The following OR10A2 variants were observed in gnomAD, a reference collection of about 807,000 sequenced individuals.
OR10A2 encodes olfactory receptor family 10 subfamily A member 2.
Under a neutral mutation model 13.7 loss-of-function variants are expected in OR10A2, and 15 were observed. That is an observed-to-expected ratio of 1.10 (90% CI 0.73 to 1.69). The LOEUF is 1.69. Among genes scored for constraint, OR10A2 ranks in the 40% most tolerant of loss-of-function variants. The pLI is 0.00. For missense variants in OR10A2, 343 were observed against 361.1 expected, an observed-to-expected ratio of 0.95 and a Z score of 0.41; for synonymous variants, 145 against 144.7, an observed-to-expected ratio of 1.00 and a Z score of -0.02.
intron 1 of OR10A2, among the ~76,000 whole-genome samples, chr11:6,866,418 T>C (rs1433654585): frequency 6.6e-6 from 1 of 152,234 alleles, no homozygotes; most frequent in Non-Finnish European, 1.5e-5. Flanking sequence ...TTTATGAGAT[T>C]TCTTTTTTTT....
At chr11:6,864,976 ATT>A (rs1003941061) in intron 1 of OR10A2, among the ~76,000 whole-genome samples, 5 of 146,482 alleles carry the variant, frequency 3.4e-5, no homozygotes, top group African/African-American at 9.9e-5. Flanking sequence ...AAATATATAT[ATT>A]GTAAGATGAA....
At position 6,872,979 on chromosome 11, in the gene OR10A2, C is replaced by T. The variant is rs915927181; in HGVS notation, c.*2313C>T. 1 of 111,218 alleles carries T rather than the reference C, an allele frequency of 9.0e-6. No homozygotes were observed. Among genetic ancestry groups the T allele is most frequent in the African/African-American group, 3.6e-5 (1 of 27,506 alleles). The allele number at this position is 111,218 out of a possible 1,614,324, so 6.9% of individuals were successfully genotyped here. Reference sequence around the variant, plus strand: ...GGATTACAGGCGTGCCAAGCCATGCCCAACTAATTTTTTTTTTGTATTTTT... The same window carrying T: ...GGATTACAGGCGTGCCAAGCCATGCTCAACTAATTTTTTTTTTGTATTTTT... On this transcript the variant is annotated 3_prime_UTR_variant, in exon 2 of 2. Coordinates refer to ENST00000641461, the MANE Select transcript of OR10A2 (RefSeq NM_001004460.2).
intron 1 of OR10A2, among the ~76,000 whole-genome samples, chr11:6,866,483 G>T (rs1394473321): frequency 6.6e-6 from 1 of 152,088 alleles, no homozygotes; most frequent in African/African-American, 2.4e-5. Context: ...GAAGCCAAAA[G>T]ATTGAACATC....
intron 1 of OR10A2, among the ~76,000 whole-genome samples, chr11:6,868,533 A>C (rs1848397902): frequency 6.6e-6 from 1 of 152,180 alleles, no homozygotes; most frequent in African/African-American, 2.4e-5. Flanking sequence ...CTCATCTATA[A>C]AATAAAGTCC....
In OR10A2 at chr11:6,869,698, C is replaced by A; in HGVS notation, c.-57C>A. 7.0e-7 allele frequency: 1 copy of A among 1,429,470 alleles called. No individual in the cohort carries two copies. 88.5% of individuals were successfully genotyped at this position (1,429,470 alleles called of 1,614,324 possible). A position where few individuals can be genotyped will look rare whatever the true frequency, so the allele number is the denominator to read the frequency against. On this transcript the variant is annotated 5_prime_UTR_variant, in exon 2 of 2. Coordinates refer to ENST00000641461, the MANE Select transcript of OR10A2 (RefSeq NM_001004460.2). ...CTTTCTCCATGACCACAGTTGGGGA[C>A]TTCTGCCCACACTTATAGCTACAGG...
In OR10A2 at chr11:6,870,534, G is replaced by A; in HGVS notation, c.780G>A (p.Leu260=). The change falls in exon 2 of 2, where the codon CTG becomes CTA. Residue 260 remains leucine, a synonymous_variant. Coordinates refer to ENST00000641461, the MANE Select transcript of OR10A2 (RefSeq NM_001004460.2). ...ATAATTCACCTGAGGGCAAGAAGCT[G>A]CTATCATTGTCCTACACTGTTATGA... ...KSNNSPEGKK[L]LSLSYTVMTP... is the part of the protein sequence containing the mutation. 6.2e-7 allele frequency: 1 copy of A among 1,614,058 alleles called. No individual in the cohort carries two copies. Among genetic ancestry groups the A allele is most frequent in the Non-Finnish European group, 8.5e-7 (1 of 1,179,940 alleles).
At position 6,872,996 on chromosome 11, in the gene OR10A2, T is replaced by G. The variant is rs1466840329; in HGVS notation, c.*2330T>G. 1 of 151,326 alleles carries G rather than the reference T, an allele frequency of 6.6e-6. No individual in the cohort carries two copies. The highest frequency in any genetic ancestry group is 1.5e-5 in the Non-Finnish European group (1 of 67,860). The allele number at this position is 151,326 out of a possible 1,614,324, so 9.4% of individuals were successfully genotyped here. A position where few individuals can be genotyped will look rare whatever the true frequency, so the allele number is the denominator to read the frequency against. On this transcript the variant is annotated 3_prime_UTR_variant, in exon 2 of 2. Coordinates refer to ENST00000641461, the MANE Select transcript of OR10A2 (RefSeq NM_001004460.2). ...AGCCATGCCCAACTAATTTTTTTTTTGTATTTTTTAGTAGAGATGCAGTTT... is the reference window on the plus strand; with the variant it reads ...AGCCATGCCCAACTAATTTTTTTTTGGTATTTTTTAGTAGAGATGCAGTTT...
chr11:6,869,539 GCTA>G (rs1848406654), intron 1 of OR10A2, 81 bp from the exon 2 acceptor site: 4 of 581,324 alleles, frequency 6.9e-6, no homozygotes, highest in Non-Finnish European at 6.1e-6. Context: ...TTAGGCTCTG[GCTA>G]CTATTTATTG....
rs1178290510 is a variant in OR10A2, at chr11:6,865,490, TTATAAC to T, written c.-133+2145_-133+2150del. ...CATTCTGTTAATTATAATTTTCAAT[TTATAAC>T]TATAATAGTCAGCACTGAACAAACA... is the stretch of plus-strand genomic sequence containing the variant. On this transcript the variant is annotated intron_variant, in intron 1 of 1. Coordinates refer to ENST00000641461, the MANE Select transcript of OR10A2 (RefSeq NM_001004460.2). 1.1e-3 allele frequency among the ~76,000 whole-genome samples: 164 copies of T among 152,228 alleles called. 1 individual carries two copies. The highest frequency in any genetic ancestry group is 3.8e-3 in the African/African-American group (158 of 41,570).
In OR10A2 at chr11:6,871,873, C is replaced by A. The variant is rs563970896; in HGVS notation, c.*1207C>A. ...TTTATATTTTTGCTAGTGTACCTGACAAATAGAAATCTAGAAATTGAGTTT... is the reference window on the plus strand; with the variant it reads ...TTTATATTTTTGCTAGTGTACCTGAAAAATAGAAATCTAGAAATTGAGTTT... On this transcript the variant is annotated 3_prime_UTR_variant, in exon 2 of 2. Coordinates refer to ENST00000641461, the MANE Select transcript of OR10A2 (RefSeq NM_001004460.2). 2.0e-5 allele frequency: 3 copies of A among 152,216 alleles called. No homozygotes were observed. The East Asian group carries it at 5.8e-4, about 29-fold the overall frequency. 9.4% of individuals were successfully genotyped at this position (152,216 alleles called of 1,614,324 possible).
rs754974386 is a variant in OR10A2 at position 6,872,817 on chromosome 11, CTTTTT to C, written c.*2164_*2168del. The C allele has an allele frequency of 8.1e-5, 11 of 136,448 alleles. No homozygotes were observed. The highest frequency in any genetic ancestry group is 1.1e-4 in the Non-Finnish European group (7 of 65,058). 8.5% of individuals were successfully genotyped at this position (136,448 alleles called of 1,614,324 possible). On this transcript the variant is annotated 3_prime_UTR_variant, in exon 2 of 2. Transcript: ENST00000641461. The stretch of plus-strand genomic sequence containing the variant: ...TGTTTCTCTTTTCTTTTCTTTCTTT[CTTTTT>C]TTTTTTTTTTTTGAGACAAAGGTCT...
In OR10A2 at chr11:6,867,072, T is replaced by C. The variant is rs532906917; in HGVS notation, c.-132-2551T>C. ...GGTGTAATTTTTCAAATTTGTATTC[T>C]AATTGACTCAGTTTTCTTAAGTTTC... is the stretch of plus-strand genomic sequence containing the variant. On this transcript the variant is annotated intron_variant, in intron 1 of 1. Coordinates refer to ENST00000641461, the MANE Select transcript of OR10A2 (RefSeq NM_001004460.2). Among the ~76,000 whole-genome samples, 3 of 152,294 alleles carry C rather than the reference T, an allele frequency of 2.0e-5. No individual in the cohort carries two copies. In the South Asian group the frequency reaches 6.2e-4, roughly 32 times the overall value.
chr11:6,870,362 G>A lies in OR10A2; in HGVS notation c.608G>A (p.Cys203Tyr), dbSNP rs773873108. 22 of 1,614,040 alleles carry A rather than the reference G, an allele frequency of 1.4e-5. No individual in the cohort carries two copies. The highest frequency in any genetic ancestry group is 1.8e-5 in the Non-Finnish European group (21 of 1,180,046). ...ATGATCCCCTGCTTGCTGATCTTGT[G>A]TTCCTATACTCACATTGCTGCTGCC... ...VVMIPCLLIL[C>Y]SYTHIAAAIL... Residue 203 changes from cysteine to tyrosine, a missense_variant, in exon 2 of 2, where the codon TGT (cysteine) becomes TAT (tyrosine). Coordinates refer to ENST00000641461, the MANE Select transcript of OR10A2 (RefSeq NM_001004460.2).
At chr11:6,866,237 C>A (rs1848377340) in intron 1 of OR10A2, among the ~76,000 whole-genome samples, 1 of 152,134 alleles carries the variant, frequency 6.6e-6, no homozygotes. Flanking sequence ...GGGATAAATA[C>A]CCAAAGGTAC....
In OR10A2 at chr11:6,871,552, A is replaced by T. The variant is rs1848435668; in HGVS notation, c.*886A>T. 1 of 152,214 alleles carries T rather than the reference A, an allele frequency of 6.6e-6. No homozygotes were observed. The highest frequency in any genetic ancestry group is 1.5e-5 in the Non-Finnish European group (1 of 68,040). The allele number at this position is 152,214 out of a possible 1,614,324, so 9.4% of individuals were successfully genotyped here. ...AAAGTTCACATGCATATGCCTTTAT[A>T]ACCCCAATAATTATTTCCTTCACAC... On this transcript the variant is annotated 3_prime_UTR_variant, in exon 2 of 2. Transcript: ENST00000641461.
Position 6,871,922 on chromosome 11 carries a change from C to T in OR10A2, c.*1256C>T, listed in dbSNP as rs1394634176. ...TTCTTGGGCAAAAGTTAAATACATA[C>T]ATAATGTTGCTATATATATTGATTG... On this transcript the variant is annotated 3_prime_UTR_variant, in exon 2 of 2. Transcript: ENST00000641461. The T allele has an allele frequency of 6.6e-6, 1 of 152,174 alleles. No individual in the cohort carries two copies. Among genetic ancestry groups the T allele is most frequent in the Non-Finnish European group, 1.5e-5 (1 of 68,026 alleles). The allele number at this position is 152,174 out of a possible 1,614,324, so 9.4% of individuals were successfully genotyped here. A position where few individuals can be genotyped will look rare whatever the true frequency, so the allele number is the denominator to read the frequency against.
At chr11:6,868,821 A>C (rs1848400805) in intron 1 of OR10A2, among the ~76,000 whole-genome samples, 1 of 152,226 alleles carries the variant, frequency 6.6e-6, no homozygotes, top group Admixed American at 6.5e-5. Context: ...AAGAGCCTCT[A>C]GATAACCAAC....
chr11:6,868,461 G>A (rs1848397336), intron 1 of OR10A2, among the ~76,000 whole-genome samples: 2 of 152,128 alleles, frequency 1.3e-5, no homozygotes, highest in Non-Finnish European at 2.9e-5. Flanking sequence ...ATGTCAGAGT[G>A]ATCCTTCTAA....
intron 1 of OR10A2, among the ~76,000 whole-genome samples, chr11:6,865,818 A>G (rs1041999360): frequency 6.6e-6 from 1 of 152,232 alleles, no homozygotes; most frequent in Non-Finnish European, 1.5e-5. Flanking sequence ...TGTAATGATG[A>G]AAGTATTTGC....
Sources: gnomAD v4.1 joint callset for allele counts (sites outside exome capture counted in the v4.1 genomes callset) on GRCh38, gnomAD v4.1.1 for gene constraint, MANE v1.5 for transcripts, NCBI Gene and HGNC (gene_info 2026-07-23, HGNC 2026-07-21) for gene names.